PPHLN1: variants seen among roughly 807,000 people sequenced by gnomAD.
PPHLN1 encodes the protein periphilin-1.
PPHLN1 carries 29 observed loss-of-function variants against 51.3 expected under a neutral mutation model. The observed-to-expected ratio is 0.57, with a 90% CI of 0.42 to 0.77. The LOEUF (loss-of-function observed/expected upper bound fraction) is 0.77. Ranked by LOEUF, PPHLN1 falls within the 30% of genes least tolerant of loss-of-function variation. PPHLN1 has a pLI of 0.00. For synonymous variants in PPHLN1, 147 were observed against 147.8 expected (o/e 0.99, Z 0.04); for missense variants, 436 against 438.4 (o/e 0.99, Z 0.05).
At chr12:42,332,643 AT>A (rs1663132136) in intron 1 of PPHLN1, 3 of 1,561,334 alleles carry the variant, frequency 1.9e-6, no homozygotes, top group Middle Eastern at 1.9e-4. Context: ...TTACGTCTGT[AT>A]TTCCCCCCCT....
intron 4 of PPHLN1, chr12:42,361,256 C>T (rs1186634323): frequency 6.6e-6 from 1 of 152,318 alleles, no homozygotes; most frequent in Non-Finnish European, 1.5e-5. Context: ...AGAAGAAAGT[C>T]CTCACTGGAC....
chr12:42,406,170 A>G (rs991331703), intron 9 of PPHLN1, among the ~76,000 whole-genome samples: 2 of 148,910 alleles, frequency 1.3e-5, no homozygotes, highest in African/African-American at 5.0e-5. Context: ...TGCAAACTCC[A>G]CCTTCCGGGT....
intron 4 of PPHLN1, among the ~76,000 whole-genome samples, chr12:42,364,961 T>C (rs2075114955): frequency 6.6e-6 from 1 of 152,192 alleles, no homozygotes; most frequent in African/African-American, 2.4e-5. Flanking sequence ...TTAGTCCATA[T>C]CTTATGCCTG....
Position 42,344,034 on chromosome 12 carries a change from G to A in PPHLN1, c.73-7851G>A, listed in dbSNP as rs566027662. ...CTGTGTAATAGAATATTTTAGTTAG[G>A]TGTGGTTTGTATGGTACTTTTCTGT... On this transcript the variant is annotated intron_variant, in intron 2 of 9. Coordinates refer to ENST00000358314, the MANE Select transcript of PPHLN1 (RefSeq NM_201439.2). 53 of 301,098 alleles carry A rather than the reference G, an allele frequency of 1.8e-4. 1 individual carries two copies. Among genetic ancestry groups the A allele is most frequent in the South Asian group, 6.2e-4 (23 of 36,854 alleles). 18.7% of individuals were successfully genotyped at this position (301,098 alleles called of 1,614,324 possible).
downstream of PPHLN1, chr12:42,448,356 TGA>T: frequency 1.4e-5 from 2 of 144,554 alleles, no homozygotes. Context: ...AAAATCTATT[TGA>T]TTTTTTTTTT....
chr12:42,330,303 C>A (rs1783940877), intron 1 of PPHLN1, among the ~76,000 whole-genome samples: 1 of 152,160 alleles, frequency 6.6e-6, no homozygotes, highest in South Asian at 2.1e-4. Flanking sequence ...CCTCTTACCT[C>A]AACCGCAAGA....
At chr12:42,367,525 A>C (rs2138607341) in intron 4 of PPHLN1, among the ~76,000 whole-genome samples, 1 of 152,302 alleles carries the variant, frequency 6.6e-6, no homozygotes, top group East Asian at 1.9e-4. Flanking sequence ...TCTTTGGCAC[A>C]GTAACTGATT....
intron 8 of PPHLN1, among the ~76,000 whole-genome samples, chr12:42,394,030 A>G (rs1390324351): frequency 2.6e-5 from 4 of 152,102 alleles, no homozygotes; most frequent in African/African-American, 7.2e-5. Flanking sequence ...GTGAATTCAG[A>G]ACAGAAATCT....
At chr12:42,340,136 G>A (rs2071247695) in intron 2 of PPHLN1, among the ~76,000 whole-genome samples, 1 of 151,878 alleles carries the variant, frequency 6.6e-6, no homozygotes, top group Non-Finnish European at 1.5e-5. Flanking sequence ...GTGAGACCCT[G>A]TCTCTACAAA....
At chr12:42,394,646 A>G (rs2078038148) in intron 8 of PPHLN1, among the ~76,000 whole-genome samples, 1 of 152,022 alleles carries the variant, frequency 6.6e-6, no homozygotes, top group Non-Finnish European at 1.5e-5. Context: ...TTAGATATCG[A>G]TTGTTCTTAA....
At chr12:42,400,341 A>C (rs370152625) in intron 9 of PPHLN1, 2 of 150,552 alleles carry the variant, frequency 1.3e-5, no homozygotes, top group Admixed American at 6.6e-5. Context: ...AGTGGCGGGC[A>C]CCTGTAGTCC....
intron 9 of PPHLN1, among the ~76,000 whole-genome samples, chr12:42,435,393 C>T (rs2082395155): frequency 6.6e-6 from 1 of 152,132 alleles, no homozygotes; most frequent in Non-Finnish European, 1.5e-5. Context: ...CACCAGTGTT[C>T]TTTTTAGGAG....
chr12:42,409,130 A>G (rs1041192913), intron 9 of PPHLN1, among the ~76,000 whole-genome samples: 1 of 152,114 alleles, frequency 6.6e-6, no homozygotes, highest in Non-Finnish European at 1.5e-5. Flanking sequence ...ATAATCACCT[A>G]TTTTTGGACC....
At chr12:42,377,301 CTT>C (rs11297368) in intron 5 of PPHLN1, among the ~76,000 whole-genome samples, 77 of 104,970 alleles carry the variant, frequency 7.3e-4, no homozygotes, top group Admixed American at 7.5e-4. Flanking sequence ...TTTTTTCTTT[CTT>C]TTTTTTTTTT....
chr12:42,445,946 G>A (rs1426314152), downstream of PPHLN1: 3 of 1,466,556 alleles, frequency 2.0e-6, no homozygotes. Context: ...TGGGGAAGAG[G>A]ATATGCTTGT....
intron 4 of PPHLN1, among the ~76,000 whole-genome samples, chr12:42,368,703 G>A (rs190383080): frequency 7.4e-4 from 113 of 152,262 alleles, no homozygotes; most frequent in African/African-American, 2.2e-3. Flanking sequence ...TTGTGGATTA[G>A]TGTTCTATGC....
In PPHLN1 at chr12:42,374,973, G is replaced by C. The variant is rs757384848; in HGVS notation, c.410G>C (p.Arg137Pro). ...TTTTTCAGAGAATCACCTGTTGGCC[G>C]AAAGGATTCTCCACACAGCAGATCT... Reference protein sequence around the residue: ...NTFFRESPVGRKDSPHSRSGS... With the variant: ...NTFFRESPVGPKDSPHSRSGS... Residue 137 changes from arginine to proline, a missense_variant, in exon 5 of 10, where the codon CGA becomes CCA. Coordinates refer to ENST00000358314, the MANE Select transcript of PPHLN1 (RefSeq NM_201439.2). 1 of 1,613,842 alleles carries C rather than the reference G, an allele frequency of 6.2e-7. No homozygotes were observed. Among genetic ancestry groups the C allele is most frequent in the Non-Finnish European group, 8.5e-7 (1 of 1,179,924 alleles).
chr12:42,332,374 G>A (rs935486960), intron 1 of PPHLN1, among the ~76,000 whole-genome samples: 1 of 152,050 alleles, frequency 6.6e-6, no homozygotes, highest in Non-Finnish European at 1.5e-5. Flanking sequence ...TAAACATCTA[G>A]TACAATCTCA....
At chr12:42,331,099 GAGA>G (rs996883083) in intron 1 of PPHLN1, among the ~76,000 whole-genome samples, 16 of 152,294 alleles carry the variant, frequency 1.1e-4, no homozygotes, top group African/African-American at 3.6e-4. Context: ...CCCACATCTG[GAGA>G]AGAATATTCT....
Sources: allele counts gnomAD v4.1 joint callset (sites outside exome capture counted in the v4.1 genomes callset), GRCh38; gene constraint gnomAD v4.1.1; transcripts MANE v1.5; gene names NCBI Gene and HGNC (gene_info 2026-07-23, HGNC 2026-07-21).